The following RANBP2 variants were observed in gnomAD, a reference collection of about 807,000 sequenced individuals.
RANBP2 encodes E3 SUMO-protein ligase RanBP2.
A neutral mutation model predicts 303.6 loss-of-function variants in RANBP2; 57 were observed. That is an observed-to-expected ratio of 0.19 (90% CI 0.15 to 0.23). RANBP2 has a LOEUF of 0.23. RANBP2 is among the 10% of genes least tolerant of loss of function. The probability of loss-of-function intolerance (pLI) is 1.00; values close to 1 mark genes in which losing one functional copy is unlikely to be tolerated. For missense variants in RANBP2, 3,138 were observed against 3,780.8 expected, an observed-to-expected ratio of 0.83 and a Z score of 4.46; for synonymous variants, 1,167 against 1,301.5, an observed-to-expected ratio of 0.90 and a Z score of 2.23.
chr2:109,023,176 A>G, the RANBP2 span, among the ~76,000 whole-genome samples: 2 of 152,384 alleles, frequency 1.3e-5, no homozygotes, highest in East Asian at 3.9e-4. Context: ...TCACCTAGTG[A>G]TGACTGAGCA....
chr2:109,425,869 T>C, the RANBP2 span, among the ~76,000 whole-genome samples: 1 of 152,182 alleles, frequency 6.6e-6, no homozygotes, highest in African/African-American at 2.4e-5. Flanking sequence ...GTGTTCTTAT[T>C]TTAAAAGTAC....
chr2:109,352,301 C>T, the RANBP2 span, among the ~76,000 whole-genome samples: 11 of 152,190 alleles, frequency 7.2e-5, no homozygotes, highest in Non-Finnish European at 1.2e-4. Flanking sequence ...GAAAGTAAGC[C>T]TCCCTCCTAA....
the RANBP2 span, among the ~76,000 whole-genome samples, chr2:109,354,883 T>C: frequency 6.6e-6 from 1 of 152,270 alleles, no homozygotes; most frequent in South Asian, 2.1e-4. Flanking sequence ...GGTCCTACCA[T>C]GTCACCTGAA....
At chr2:109,048,336 C>A in the RANBP2 span, among the ~76,000 whole-genome samples, 1 of 152,158 alleles carries the variant, frequency 6.6e-6, no homozygotes, top group Non-Finnish European at 1.5e-5. Context: ...ACTTATAATA[C>A]CATGGGGACA....
the RANBP2 span, among the ~76,000 whole-genome samples, chr2:109,496,008 C>T: frequency 5.3e-5 from 8 of 152,194 alleles, no homozygotes; most frequent in Non-Finnish European, 7.3e-5. Flanking sequence ...CAGACCTTCG[C>T]GGTGAAGAGC....
At chr2:109,094,026 C>T in the RANBP2 span, among the ~76,000 whole-genome samples, 8 of 152,138 alleles carry the variant, frequency 5.3e-5, no homozygotes, top group South Asian at 2.1e-4. Context: ...GAAATTACTC[C>T]GCATTACGAG....
the RANBP2 span, among the ~76,000 whole-genome samples, chr2:109,533,409 C>T: frequency 5.1e-4 from 77 of 152,252 alleles, no homozygotes; most frequent in African/African-American, 1.7e-3. Context: ...TTAGAAAACA[C>T]GATTAAGTTT....
chr2:108,795,148 G>GTTTTTTTTT, the RANBP2 span, among the ~76,000 whole-genome samples: 1 of 68,652 alleles, frequency 1.5e-5, no homozygotes, highest in Non-Finnish European at 3.1e-5. Flanking sequence ...TTTCTAAAGT[G>GTTTTTTTTT]TATTTTTTTT....
At chr2:109,568,375 T>A in the RANBP2 span, among the ~76,000 whole-genome samples, 1 of 145,278 alleles carries the variant, frequency 6.9e-6, no homozygotes, top group East Asian at 2.0e-4. Context: ...CACACAATCT[T>A]TTTTTTTTTT....
chr2:109,295,253 C>T, the RANBP2 span, among the ~76,000 whole-genome samples: 5 of 152,358 alleles, frequency 3.3e-5, no homozygotes, highest in African/African-American at 1.2e-4. Context: ...CACTCCCTCG[C>T]TTGGGCCTGC....
the RANBP2 span, chr2:109,251,698 AT>A: frequency 1.9e-5 from 18 of 930,264 alleles, no homozygotes; most frequent in Non-Finnish European, 3.1e-5. Context: ...CATAGGTTCT[AT>A]TTTACTATGA....
chr2:109,180,384 C>A, the RANBP2 span, among the ~76,000 whole-genome samples: 1 of 152,190 alleles, frequency 6.6e-6, no homozygotes, highest in African/African-American at 2.4e-5. Context: ...CAGGGAATTA[C>A]TTCACAGCAG....
chr2:109,615,416 C>T, the RANBP2 span: 1 of 1,613,078 alleles, frequency 6.2e-7, no homozygotes, highest in Non-Finnish European at 8.5e-7. Context: ...TGCACTGGGC[C>T]GCCAAGCACG....
At position 108,784,049 on chromosome 2, in the gene RANBP2, T is replaced by G; in HGVS notation, c.*148T>G. 1 of 743,068 alleles carries G rather than the reference T, an allele frequency of 1.3e-6. No individual in the cohort carries two copies. Among genetic ancestry groups the G allele is most frequent in the East Asian group, 2.7e-5 (1 of 36,904 alleles). 46.0% of individuals were successfully genotyped at this position (743,068 alleles called of 1,614,324 possible). On this transcript the variant is annotated 3_prime_UTR_variant, in exon 29 of 29. Transcript: ENST00000283195. ...TGCAGCTTATAGCTGTTGTCACTTTTTAATGTGTTATAATTGACCTTGCAT... is the reference window on the plus strand; with the variant it reads ...TGCAGCTTATAGCTGTTGTCACTTTGTAATGTGTTATAATTGACCTTGCAT...
intron 25 of RANBP2, among the ~76,000 whole-genome samples, chr2:108,780,099 A>AG (rs1314202089): frequency 6.6e-6 from 1 of 151,950 alleles, no homozygotes; most frequent in Non-Finnish European, 1.5e-5. Flanking sequence ...AGGCAGTGAC[A>AG]GTCTTATCTT....
chr2:109,245,980 A>G, the RANBP2 span, among the ~76,000 whole-genome samples: 3 of 152,250 alleles, frequency 2.0e-5, no homozygotes, highest in Non-Finnish European at 4.4e-5. Flanking sequence ...AAGCTGGCTT[A>G]TTCACAAAAA....
intron 4 of RANBP2, among the ~76,000 whole-genome samples, chr2:108,735,003 C>T (rs1202699271): frequency 3.9e-5 from 6 of 152,120 alleles, no homozygotes; most frequent in Middle Eastern, 3.2e-3. Flanking sequence ...ACAAACCCTA[C>T]TTCCTCTCCT....
At chr2:108,902,813 T>C in the RANBP2 span, among the ~76,000 whole-genome samples, 3 of 152,138 alleles carry the variant, frequency 2.0e-5, no homozygotes, top group African/African-American at 4.8e-5. Flanking sequence ...TGGTGAAAAA[T>C]GGAATGCTTT....
the RANBP2 span, among the ~76,000 whole-genome samples, chr2:109,712,388 G>T: frequency 1.3e-5 from 2 of 152,084 alleles, no homozygotes; most frequent in Admixed American, 6.5e-5. Flanking sequence ...TGGGTCCTGG[G>T]CATTTTTGCC....
Sources: gnomAD v4.1 joint callset for allele counts (sites outside exome capture counted in the v4.1 genomes callset) on GRCh38, gnomAD v4.1.1 for gene constraint, MANE v1.5 for transcripts, NCBI Gene and HGNC (gene_info 2026-07-23, HGNC 2026-07-21) for gene names.